The following PZP variants were observed in gnomAD, a reference collection of about 807,000 sequenced individuals.
PZP encodes the protein PZP alpha-2-macroglobulin like.
Under a neutral mutation model 179.8 loss-of-function variants are expected in PZP, and 150 were observed. The observed-to-expected ratio is 0.83, with a 90% CI of 0.73 to 0.96. PZP has a LOEUF of 0.96. Among genes scored for constraint, PZP ranks in the 40% least tolerant of loss-of-function variants. PZP has a pLI of 0.00. For synonymous variants in PZP, 624 were observed against 652.3 expected (o/e 0.96, Z 0.66); for missense variants, 1,689 against 1,764.0 (o/e 0.96, Z 0.76).
At chr12:9,150,822 T>C (rs998272381) in intron 33 of PZP, 76 bp from the exon 34 acceptor site, 1 of 939,184 alleles carries the variant, frequency 1.1e-6, no homozygotes, top group African/African-American at 1.6e-5. Flanking sequence ...ATATTCTTAT[T>C]GTTCTTTGAC....
At chr12:9,202,418 A>G (rs1459266359) in intron 3 of PZP, 47 bp from the exon 4 acceptor site, 2 of 1,613,692 alleles carry the variant, frequency 1.2e-6, no homozygotes, top group Non-Finnish European at 1.7e-6. Flanking sequence ...TAAAGCAGGT[A>G]ATTTGGGTAA....
chr12:9,168,659 G>T (rs1046172592), intron 17 of PZP: 2 of 459,626 alleles, frequency 4.4e-6, no homozygotes, highest in Admixed American at 3.9e-5. Context: ...CTGATTTTGT[G>T]CCCTGAAGTA....
Position 9,206,739 on chromosome 12 carries a change from T to G in PZP, c.83+1520A>C, listed in dbSNP as rs553024701. On this transcript the variant is annotated intron_variant, in intron 1 of 35. Transcript: ENST00000261336. ...TTATAAAGGGAGAAAACACCCCTTC[T>G]GCTTGTGACAACTAGGGCATGAGGC... 7.9e-5 allele frequency among the ~76,000 whole-genome samples: 12 copies of G among 152,182 alleles called. No homozygotes were observed. The South Asian group carries it at 1.0e-3, about 13-fold the overall frequency.
At position 9,160,462 on chromosome 12, in the gene PZP, A is replaced by G. The variant is rs1272489775; in HGVS notation, c.2901T>C (p.Asn967=). 5.6e-6 allele frequency: 9 copies of G among 1,613,854 alleles called. No homozygotes were observed. The highest frequency in any genetic ancestry group is 1.3e-5 in the African/African-American group (1 of 75,034). Residue 967 remains asparagine (N), a synonymous_variant, in exon 24 of 36, where the codon AAT becomes AAC. Transcript: ENST00000261336. ...ATGGCATCTGGAGGAGATTTTGTAT[A>G]TTTTGCATAGCAGAACCTAATATGT... ...LGDILGSAMQ[N]IQNLLQMPYG...
intron 10 of PZP, among the ~76,000 whole-genome samples, chr12:9,194,940 T>C (rs1943682984): frequency 6.6e-6 from 1 of 152,192 alleles, no homozygotes; most frequent in Non-Finnish European, 1.5e-5. Flanking sequence ...CGCTTCAGTT[T>C]TCCACCTTCA....
intron 2 of PZP, 133 bp from the exon 3 acceptor site, chr12:9,202,817 A>G (rs1944242310): frequency 6.0e-6 from 5 of 840,026 alleles, no homozygotes; most frequent in Admixed American, 2.9e-5. Flanking sequence ...TTCTTCAGAC[A>G]TAAGAGTGAC....
chr12:9,203,939 C>T lies in PZP; in HGVS notation c.96G>A (p.Val32=). The change falls in exon 2 of 36, where the codon GTG becomes GTA. Residue 32 remains valine (V), a synonymous_variant. Transcript: ENST00000261336. ...CAGTGTGGAGCAGGGAGGGGACCAGCACCATATACTGCCTGGGAAAGGAAG... is the reference window on the plus strand; with the variant it reads ...CAGTGTGGAGCAGGGAGGGGACCAGTACCATATACTGCCTGGGAAAGGAAG... ...DSNSTEPQYM[V]LVPSLLHTEA... The T allele has an allele frequency of 6.2e-7, 1 of 1,611,182 alleles. No homozygotes were observed. Among genetic ancestry groups the T allele is most frequent in the Non-Finnish European group, 8.5e-7 (1 of 1,178,618 alleles).
At chr12:9,188,365 A>G (rs1943252308) in intron 13 of PZP, among the ~76,000 whole-genome samples, 1 of 152,222 alleles carries the variant, frequency 6.6e-6, no homozygotes, top group African/African-American at 2.4e-5. Context: ...TATTGAAAGA[A>G]CATACCTCAA....
chr12:9,201,757 A>C (rs10771412), intron 4 of PZP, among the ~76,000 whole-genome samples: 51,951 of 151,852 alleles, frequency 0.34, 8,880 homozygotes, highest in East Asian at 0.44. Context: ...CATTTGGTTG[A>C]AAGTAAACCA....
chr12:9,145,942 A>T (rs12302819), downstream of PZP, among the ~76,000 whole-genome samples: 1 of 151,884 alleles, frequency 6.6e-6, no homozygotes, highest in Non-Finnish European at 1.5e-5. Context: ...CTTACAAGTC[A>T]CTGTTCTCTT....
At chr12:9,150,563 G>T in intron 34 of PZP, 81 bp downstream of exon 34, 1 of 908,420 alleles carries the variant, frequency 1.1e-6, no homozygotes, top group Non-Finnish European at 1.7e-6. Context: ...TTGACTAAGT[G>T]GGCTAAGAAG....
At chr12:9,207,170 A>C (rs1428032590) in intron 1 of PZP, among the ~76,000 whole-genome samples, 1 of 152,184 alleles carries the variant, frequency 6.6e-6, no homozygotes, top group Non-Finnish European at 1.5e-5. Flanking sequence ...AGGGTAACAC[A>C]CAGAGCAGAG....
Position 9,196,019 on chromosome 12 carries a change from G to A in PZP, c.1092+311C>T, listed in dbSNP as rs188250356. ...CTCTGAAAATTCTGATGCTGCCCAG[G>A]TCATGATAGAAATATCATTTATTCT... On this transcript the variant is annotated intron_variant, in intron 10 of 35. Coordinates refer to ENST00000261336, the MANE Select transcript of PZP (RefSeq NM_002864.3). Among the ~76,000 whole-genome samples the A allele has an allele frequency of 2.0e-3, 308 of 152,142 alleles. 2 individuals carry two copies. The highest frequency in any genetic ancestry group is 0.01 in the Middle Eastern group (3 of 294).
chr12:9,199,905 A>G (rs1944053234), intron 7 of PZP, among the ~76,000 whole-genome samples: 1 of 152,202 alleles, frequency 6.6e-6, no homozygotes, highest in Non-Finnish European at 1.5e-5. Context: ...TAGGAGTCAT[A>G]ATAACCAAAA....
chr12:9,174,311 A>G (rs1258936771), intron 15 of PZP, among the ~76,000 whole-genome samples: 1 of 152,206 alleles, frequency 6.6e-6, no homozygotes, highest in African/African-American at 2.4e-5. Flanking sequence ...TAAACTAGGT[A>G]TTGAAGGAAC....
chr12:9,151,626 TG>T lies in PZP; in HGVS notation c.4258del (p.His1420MetfsTer9), dbSNP rs781145323. The part of the protein sequence containing the change: ...SVSRTEVSNN[H>X]VLIYVEQVTN... ...CACCTGTTCCACATAAATGAGGACA[TG>T]GTTGTTGCTCACTTCTGTCCGGCTC... On this transcript the variant is annotated frameshift_variant, in exon 33 of 36. Transcript: ENST00000261336. LOFTEE classifies it high-confidence loss of function. The T allele has an allele frequency of 1.2e-6, 2 of 1,613,850 alleles. No individual in the cohort carries two copies. The highest frequency in any genetic ancestry group is 1.7e-6 in the Non-Finnish European group (2 of 1,179,838).
rs745764272 is a variant in PZP, at chr12:9,162,629, T to C, written c.2756A>G (p.Glu919Gly). The change falls in exon 22 of 36, where the codon GAA becomes GGA. Residue 919 changes from glutamate to glycine, a missense_variant. Glu to Gly is a moderately conservative substitution (Grantham distance 98). This residue lies in a region of PZP where 746 missense variants were observed against 749.2 expected (regional missense o/e 1.00). Coordinates refer to ENST00000261336, the MANE Select transcript of PZP (RefSeq NM_002864.3). ...ACAGGTCATAGAACTGAAAGTCTTTTCTTGCTCAATACCTTCAGCCTTGGA... is the reference window on the plus strand; with the variant it reads ...ACAGGTCATAGAACTGAAAGTCTTTCCTTGCTCAATACCTTCAGCCTTGGA... ...LLVEAEGIEQ[E>G]KTFSSMTCAS... The C allele has an allele frequency of 1.3e-6, 2 of 1,595,288 alleles. No homozygotes were observed. Among genetic ancestry groups the C allele is most frequent in the Admixed American group, 3.3e-5 (2 of 59,912 alleles).
chr12:9,197,154 G>A, intron 7 of PZP, 31 bp from the exon 8 acceptor site: 2 of 1,460,060 alleles, frequency 1.4e-6, no homozygotes, highest in African/African-American at 1.4e-5. Flanking sequence ...CAGGAATTGA[G>A]AATGGCTGTT....
intron 33 of PZP, 131 bp from the exon 34 acceptor site, chr12:9,150,877 C>T: frequency 6.1e-6 from 4 of 650,570 alleles, no homozygotes; most frequent in Non-Finnish European, 1.1e-5. Flanking sequence ...TTGTGGATGT[C>T]AAGATGGGTT....
Sources: gnomAD v4.1 joint callset for allele counts (sites outside exome capture counted in the v4.1 genomes callset) on GRCh38, gnomAD v4.1.1 for gene constraint, gnomAD v4.1.1 regional missense constraint, MANE v1.5 for transcripts, NCBI Gene and HGNC (gene_info 2026-07-23, HGNC 2026-07-21) for gene names.